The following COP1 variants were observed in gnomAD, a reference collection of about 807,000 sequenced individuals.
COP1 encodes the protein COP1 E3 ubiquitin ligase.
In COP1, 24 loss-of-function variants were observed where a neutral mutation model predicts 101.3. The observed-to-expected ratio is 0.24, with a 90% CI of 0.17 to 0.33. The LOEUF (loss-of-function observed/expected upper bound fraction) is 0.33. Among genes scored for constraint, COP1 ranks in the 10% least tolerant of loss-of-function variants. COP1 has a pLI of 1.00. For missense variants in COP1, 663 were observed against 906.2 expected (o/e 0.73, Z 3.45); for synonymous variants, 347 against 341.9 (o/e 1.01, Z -0.17).
At chr1:176,189,951 C>T (rs1482066583) in intron 1 of COP1, among the ~76,000 whole-genome samples, 1 of 150,828 alleles carries the variant, frequency 6.6e-6, no homozygotes, top group African/African-American at 2.4e-5. Context: ...TTAAAAAAAT[C>T]AAGAAAGAAT....
intron 15 of COP1, among the ~76,000 whole-genome samples, chr1:176,011,115 T>C (rs193073325): frequency 3.3e-5 from 5 of 152,300 alleles, no homozygotes; most frequent in Admixed American, 6.5e-5. Context: ...AAGTTTTTGT[T>C]GGTGTGAAAA....
chr1:176,035,710 C>CAAAAAAAAAAAAAAAAAAAAAAA (rs71129541), intron 14 of COP1, among the ~76,000 whole-genome samples: 1 of 73,110 alleles, frequency 1.4e-5, no homozygotes, highest in African/African-American at 7.1e-5. Flanking sequence ...AAAACGAGAC[C>CAAAAAAAAAAAAAAAAAAAAAAA]AAAAAAAAAA....
In COP1 at chr1:175,957,060, CAA is replaced by C. The variant is rs200782313; in HGVS notation, c.2134-9823_2134-9822del. Among the ~76,000 whole-genome samples, 1,162 of 151,518 alleles carry C rather than the reference CAA, an allele frequency of 7.7e-3. 14 individuals carry two copies. The highest frequency in any genetic ancestry group is 0.027 in the African/African-American group (1,107 of 41,288). On this transcript the variant is annotated intron_variant, in intron 18 of 19. Coordinates refer to ENST00000367669, the MANE Select transcript of COP1 (RefSeq NM_022457.7). ...TTGTGTTTTAAGCTAAAAGTTATTA[CAA>C]AAGAGTCAAAAAGTGAAAAAAATTA...
intron 18 of COP1, among the ~76,000 whole-genome samples, chr1:175,983,271 G>GACCC (rs780911083): frequency 2.0e-5 from 3 of 152,186 alleles, no homozygotes; most frequent in Non-Finnish European, 4.4e-5. Context: ...TTGTGGAAGG[G>GACCC]ACCCAGTGGG....
At chr1:176,167,322 T>C (rs1695293124) in intron 3 of COP1, among the ~76,000 whole-genome samples, 3 of 152,210 alleles carry the variant, frequency 2.0e-5, no homozygotes, top group Non-Finnish European at 4.4e-5. Context: ...ATCTTATTTA[T>C]ACTATAGATT....
chr1:176,140,726 T>A (rs1690546927), intron 6 of COP1, among the ~76,000 whole-genome samples: 2 of 152,180 alleles, frequency 1.3e-5, no homozygotes, highest in Admixed American at 6.5e-5. Flanking sequence ...GAACTGCTAT[T>A]ATCTAAAGGA....
chr1:176,132,180 T>C (rs1312348410), intron 8 of COP1, among the ~76,000 whole-genome samples: 1 of 151,772 alleles, frequency 6.6e-6, no homozygotes, highest in Non-Finnish European at 1.5e-5. Context: ...GGGACACATC[T>C]TCTCTGTCCT....
Position 176,103,400 on chromosome 1 carries a change from A to G in COP1, c.1026+13224T>C, listed in dbSNP as rs566943048. Among the ~76,000 whole-genome samples, 216 of 152,292 alleles carry G rather than the reference A, an allele frequency of 1.4e-3. 1 individual carries two copies. The highest frequency in any genetic ancestry group is 2.8e-3 in the Non-Finnish European group (188 of 68,018). On this transcript the variant is annotated intron_variant, in intron 9 of 19. Transcript: ENST00000367669. The stretch of plus-strand genomic sequence containing the variant: ...TAAAACTCTATAAAGCTCCTAAACA[A>G]TAAGATTGAATGAGTTTCCAGGTTG...
intron 4 of COP1, 129 bp from the exon 5 acceptor site, chr1:176,163,117 A>C: frequency 1.2e-6 from 1 of 868,856 alleles, no homozygotes. Context: ...ATAATGTTCC[A>C]AACTACCCCT....
intron 1 of COP1, among the ~76,000 whole-genome samples, chr1:176,203,112 C>A (rs921477782): frequency 4.1e-4 from 62 of 151,288 alleles, no homozygotes; most frequent in Admixed American, 2.5e-3. Flanking sequence ...CAGAGGCGGG[C>A]GGATCATGAG....
chr1:175,960,106 A>G (rs1397475141), intron 18 of COP1, among the ~76,000 whole-genome samples: 1 of 152,206 alleles, frequency 6.6e-6, no homozygotes, highest in Admixed American at 6.5e-5. Context: ...AGTTTTCTAT[A>G]TTCATGGAAA....
chr1:176,081,510 C>T (rs1180158324), intron 10 of COP1, among the ~76,000 whole-genome samples: 1 of 151,818 alleles, frequency 6.6e-6, no homozygotes, highest in Non-Finnish European at 1.5e-5. Flanking sequence ...TGTGAATTCT[C>T]ACTTTTTTGG....
rs1481664087 is a variant in COP1, at chr1:175,948,063, A to C, written c.2134-824T>G. On this transcript the variant is annotated intron_variant, in intron 18 of 19. Coordinates refer to ENST00000367669, the MANE Select transcript of COP1 (RefSeq NM_022457.7). ...GGAAAAAGGACTATCTTTCTTTTTA[A>C]TTATTCTATCATTCAGCACATGCAT... Among the ~76,000 whole-genome samples, 3 of 152,224 alleles carry C rather than the reference A, an allele frequency of 2.0e-5. No individual in the cohort carries two copies. In the East Asian group the frequency reaches 5.8e-4, roughly 29 times the overall value.
chr1:176,022,074 T>C (rs959055097), intron 15 of COP1, among the ~76,000 whole-genome samples: 1 of 152,224 alleles, frequency 6.6e-6, no homozygotes, highest in Non-Finnish European at 1.5e-5. Context: ...GGCAATGTTA[T>C]TACATACACA....
At chr1:176,163,750 A>G in intron 4 of COP1, 65 bp downstream of exon 4, 6 of 1,016,188 alleles carry the variant, frequency 5.9e-6, no homozygotes, top group Non-Finnish European at 8.8e-6. Flanking sequence ...CATCTAACTA[A>G]TATTAAACCA....
chr1:176,162,915 T>C lies in COP1; in HGVS notation c.716A>G (p.Asn239Ser), dbSNP rs1276395376. ...DQDNLDLANV[N>S]LMLELLVQKK... is the part of the protein sequence containing the mutation. ...CTGCACTAGTAACTCCAACATAAGA[T>C]TGACATTGGCCAAATCAAGGTTATC... Residue 239 changes from asparagine (N) to serine (S), a missense_variant, in exon 5 of 20, where the codon AAT becomes AGT. Physicochemically the swap from Asn to Ser is conservative, Grantham distance 46. Transcript: ENST00000367669. 2.5e-6 allele frequency: 4 copies of C among 1,609,602 alleles called. No individual in the cohort carries two copies. Among genetic ancestry groups the C allele is most frequent in the East Asian group, 2.2e-5 (1 of 44,692 alleles).
chr1:176,116,604 C>A lies in COP1; in HGVS notation c.1026+20G>T, dbSNP rs1460412800. On this transcript the variant is annotated intron_variant, in intron 9 of 19. Transcript: ENST00000367669. ...AATTATACTCATGGTATCATTAAAG[C>A]AAACAAAGATATCGTTTACCTGAGA... 6.3e-7 allele frequency: 1 copy of A among 1,582,436 alleles called. No homozygotes were observed. The highest frequency in any genetic ancestry group is 8.7e-7 in the Non-Finnish European group (1 of 1,153,594).
At chr1:176,043,308 G>C in intron 13 of COP1, 41 bp from the exon 14 acceptor site, 1 of 1,202,244 alleles carries the variant, frequency 8.3e-7, no homozygotes, top group Non-Finnish European at 1.2e-6. Context: ...ATAGAATACA[G>C]ATCTCAAAAT....
chr1:176,151,351 GAAAAAGAA>G (rs1220731000), intron 5 of COP1, among the ~76,000 whole-genome samples: 2 of 90,562 alleles, frequency 2.2e-5, no homozygotes, highest in African/African-American at 8.3e-5. Context: ...AGGAAAGAAA[GAAAAAGAA>G]AGAAAGAAAG....
Sources: gnomAD v4.1 joint callset for allele counts (sites outside exome capture counted in the v4.1 genomes callset) on GRCh38, gnomAD v4.1.1 for gene constraint, MANE v1.5 for transcripts, NCBI Gene and HGNC (gene_info 2026-07-23, HGNC 2026-07-21) for gene names.